The following PRELID2 variants were observed in gnomAD, a reference collection of about 807,000 sequenced individuals.
PRELID2 encodes PRELI domain containing 2.
PRELID2 carries 25 observed loss-of-function variants against 28.4 expected under a neutral mutation model. That is an observed-to-expected ratio of 0.88 (90% CI 0.64 to 1.23). PRELID2 has a LOEUF of 1.23. PRELID2 is among the 50% of genes most tolerant of loss of function. The probability of loss-of-function intolerance (pLI) is 0.00; values close to 1 mark genes in which losing one functional copy is unlikely to be tolerated. For synonymous variants in PRELID2, 76 were observed against 71.6 expected (o/e 1.06, Z -0.31); for missense variants, 201 against 214.4 (o/e 0.94, Z 0.39).
At chr5:145,295,823 C>A in the PRELID2 span, among the ~76,000 whole-genome samples, 2 of 151,910 alleles carry the variant, frequency 1.3e-5, no homozygotes, top group Non-Finnish European at 2.9e-5. Flanking sequence ...ATAAACAAAA[C>A]AAGTAGACAA....
At chr5:145,263,972 C>A in the PRELID2 span, among the ~76,000 whole-genome samples, 2 of 151,990 alleles carry the variant, frequency 1.3e-5, no homozygotes, top group African/African-American at 4.8e-5. Flanking sequence ...TTCACTACAA[C>A]CTCCACCTCC....
chr5:145,490,845 A>G (rs1752262797), intron 1 of PRELID2, among the ~76,000 whole-genome samples: 1 of 152,172 alleles, frequency 6.6e-6, no homozygotes, highest in African/African-American at 2.4e-5. Flanking sequence ...ACGACTAACT[A>G]AAGCTGAATA....
the PRELID2 span, among the ~76,000 whole-genome samples, chr5:145,408,451 AATATATATGTATAAT>A: frequency 7.0e-6 from 1 of 143,738 alleles, no homozygotes; most frequent in African/African-American, 2.6e-5. Flanking sequence ...ATATATGTAT[AATATATATGTATAAT>A]ATATATATGT....
chr5:145,393,816 G>T, the PRELID2 span, among the ~76,000 whole-genome samples: 1 of 152,256 alleles, frequency 6.6e-6, no homozygotes, highest in South Asian at 2.1e-4. Context: ...ATTTAACAGG[G>T]TTAAGTCTGT....
the PRELID2 span, among the ~76,000 whole-genome samples, chr5:145,341,579 G>T: frequency 6.6e-6 from 1 of 151,500 alleles, no homozygotes; most frequent in East Asian, 2.0e-4. Context: ...AAAACAACCA[G>T]GTATAAATTC....
intron 1 of PRELID2, among the ~76,000 whole-genome samples, chr5:145,492,385 T>C (rs1359973849): frequency 1.0e-5 from 1 of 96,222 alleles, no homozygotes; most frequent in Non-Finnish European, 2.6e-5. Context: ...TTTTGTTTTC[T>C]TGCTAATAAA....
At chr5:145,651,192 C>T (rs575375028) in intron 1 of PRELID2, among the ~76,000 whole-genome samples, 40 of 152,270 alleles carry the variant, frequency 2.6e-4, no homozygotes, top group South Asian at 1.2e-3. Flanking sequence ...AACTGCAAGA[C>T]GGCAGTGAGG....
the PRELID2 span, among the ~76,000 whole-genome samples, chr5:145,409,750 G>GAAA: frequency 2.0e-3 from 211 of 104,970 alleles, 2 homozygotes; most frequent in African/African-American, 7.0e-3. Context: ...CATCTCTACT[G>GAAA]AAAAAAAAAA....
chr5:145,794,490 G>A lies in PRELID2; in HGVS notation c.474+1952C>T, dbSNP rs1339625585. 2.0e-5 allele frequency among the ~76,000 whole-genome samples: 3 copies of A among 152,176 alleles called. No individual in the cohort carries two copies. In the East Asian group the frequency reaches 5.8e-4, roughly 29 times the overall value. On this transcript the variant is annotated intron_variant, in intron 5 of 6. Coordinates refer to ENST00000683046, the MANE Select transcript of PRELID2 (RefSeq NM_205846.3). ...AGGGCTGCACAGTAAAGTGGCAAGA[G>A]GGAACTCTTATTGACAAAAGATAGG...
chr5:145,690,704 G>A (rs1755131586), intron 1 of PRELID2, among the ~76,000 whole-genome samples: 1 of 152,134 alleles, frequency 6.6e-6, no homozygotes, highest in African/African-American at 2.4e-5. Flanking sequence ...TAAGCCACGT[G>A]AAGTGAGATT....
At chr5:145,587,109 G>A (rs1753164382) in intron 1 of PRELID2, among the ~76,000 whole-genome samples, 1 of 152,064 alleles carries the variant, frequency 6.6e-6, no homozygotes, top group Non-Finnish European at 1.5e-5. Flanking sequence ...GGGTAATTGT[G>A]GCCAATGAAA....
intron 1 of PRELID2, among the ~76,000 whole-genome samples, chr5:145,556,548 C>A (rs1752881719): frequency 6.6e-6 from 1 of 152,160 alleles, no homozygotes; most frequent in Admixed American, 6.5e-5. Context: ...TACCCATAAC[C>A]CACTCTTTGT....
intron 1 of PRELID2, among the ~76,000 whole-genome samples, chr5:145,739,595 A>G (rs1756593911): frequency 6.6e-6 from 1 of 151,774 alleles, no homozygotes; most frequent in Non-Finnish European, 1.5e-5. Context: ...TCTCTTCTTG[A>G]GTCTTCTAAA....
intron 1 of PRELID2, among the ~76,000 whole-genome samples, chr5:145,699,025 C>A (rs1440006658): frequency 6.6e-6 from 1 of 152,202 alleles, no homozygotes; most frequent in Non-Finnish European, 1.5e-5. Context: ...CCGCACCTGG[C>A]CAGCCTCACC....
intron 1 of PRELID2, among the ~76,000 whole-genome samples, chr5:145,660,533 C>T (rs189597342): frequency 1.3e-5 from 2 of 152,300 alleles, no homozygotes; most frequent in Non-Finnish European, 2.9e-5. Flanking sequence ...AATGCACTCA[C>T]TCAATGGCTC....
At chr5:145,686,552 G>A (rs1451500418) in intron 1 of PRELID2, among the ~76,000 whole-genome samples, 1 of 152,108 alleles carries the variant, frequency 6.6e-6, no homozygotes, top group African/African-American at 2.4e-5. Context: ...AAATAAGAAA[G>A]CTGTGAAAAG....
chr5:145,741,954 ATAAT>A (rs1448462314), intron 1 of PRELID2, among the ~76,000 whole-genome samples: 13 of 4,960 alleles, frequency 2.6e-3, no homozygotes, highest in African/African-American at 4.5e-3. Context: ...TAAATTTATT[ATAAT>A]TAAATAAATA....
intron 1 of PRELID2, among the ~76,000 whole-genome samples, chr5:145,511,074 T>G (rs1752456438): frequency 6.6e-6 from 1 of 152,196 alleles, no homozygotes. Context: ...ATGTCAGTCA[T>G]GTCGCCTCTT....
rs183703849 is a variant in PRELID2, at chr5:145,740,004, G to A, written n.70+24927C>T. ...CCCTATGTCAATAATTACATTAAAT[G>A]TAAATGGCCAAAATACACAAATTAA... On this transcript the variant is annotated intron_variant and non_coding_transcript_variant, in intron 1 of 2. Coordinates refer to the PRELID2 transcript ENST00000510259. Among the ~76,000 whole-genome samples, 954 of 151,056 alleles carry A rather than the reference G, an allele frequency of 6.3e-3. 7 individuals are homozygous for A. Among genetic ancestry groups the A allele is most frequent in the Non-Finnish European group, 9.2e-3 (622 of 67,646 alleles).
Sources: gnomAD v4.1 joint callset for allele counts (sites outside exome capture counted in the v4.1 genomes callset) on GRCh38, gnomAD v4.1.1 for gene constraint, MANE v1.5 for transcripts, NCBI Gene and HGNC (gene_info 2026-07-23, HGNC 2026-07-21) for gene names.